Variants in MYH10 observed in about 807,000 individuals in gnomAD.
MYH10 encodes the protein myosin heavy chain 10.
Under a neutral mutation model 257.8 loss-of-function variants are expected in MYH10, and 55 were observed. The observed-to-expected ratio is 0.21, with a 90% CI of 0.17 to 0.27. MYH10 has a LOEUF of 0.27. Among genes scored for constraint, MYH10 ranks in the 10% least tolerant of loss-of-function variants. The pLI, the probability that MYH10 is intolerant of heterozygous loss-of-function variation, is 1.00. For missense variants in MYH10, 1,631 were observed against 2,500.6 expected (o/e 0.65, Z 7.42); for synonymous variants, 854 against 921.7 (o/e 0.93, Z 1.33).
At chr17:8,518,517 C>T in intron 21 of MYH10, 114 bp downstream of exon 21, 1 of 1,163,926 alleles carries the variant, frequency 8.6e-7, no homozygotes, top group Non-Finnish European at 1.2e-6. Context: ...TATAAAGCAA[C>T]TTCTGTAAGG....
intron 4 of MYH10, among the ~76,000 whole-genome samples, chr17:8,579,322 A>C (rs1414459667): frequency 6.6e-6 from 1 of 152,172 alleles, no homozygotes. Flanking sequence ...CCAAAACTTA[A>C]ATTTTTCGGT....
At chr17:8,525,668 G>GT (rs1355963640) in intron 17 of MYH10, among the ~76,000 whole-genome samples, 2 of 152,114 alleles carry the variant, frequency 1.3e-5, no homozygotes, top group East Asian at 3.8e-4. Context: ...TGTGTGTGTG[G>GT]TTTTTTAAAA....
chr17:8,548,678 C>T lies in MYH10; in HGVS notation c.1029G>A (p.Met343Ile), dbSNP rs2082522769. ...KDNFQETMEA[M>I]HIMGFSHEEI... is the part of the protein sequence containing the mutation. ...CTTCATGGGAGAAGCCCATTATGTG[C>T]ATTGCTTCCATGGTCTCCTGGAAAT... is the stretch of plus-strand genomic sequence containing the variant. Residue 343 changes from methionine (M) to isoleucine (I), a missense_variant, in exon 10 of 43, where the codon ATG becomes ATA. Around this residue, in one of 11 missense-constraint regions of MYH10, gnomAD observed 360 missense variants for 581.9 expected, o/e 0.62. Coordinates refer to ENST00000360416, the MANE Select transcript of MYH10 (RefSeq NM_001256012.3). 2 of 1,613,982 alleles carry T rather than the reference C, an allele frequency of 1.2e-6. No individual in the cohort carries two copies. The highest frequency in any genetic ancestry group is 1.7e-5 in the Admixed American group (1 of 60,004).
intron 2 of MYH10, among the ~76,000 whole-genome samples, chr17:8,606,503 G>A (rs956156516): frequency 6.6e-6 from 1 of 152,172 alleles, no homozygotes. Context: ...GGAACACTAA[G>A]GGGGATTCTA....
intron 40 of MYH10, 45 bp from the exon 41 acceptor site, chr17:8,478,491 T>C: frequency 6.4e-7 from 1 of 1,571,316 alleles, no homozygotes; most frequent in Non-Finnish European, 8.8e-7. Flanking sequence ...GAAATGGTAT[T>C]TTGTGTGGGA....
chr17:8,579,609 G>A (rs1458389652), intron 4 of MYH10, among the ~76,000 whole-genome samples: 1 of 152,124 alleles, frequency 6.6e-6, no homozygotes, highest in Non-Finnish European at 1.5e-5. Context: ...CACCCCTCAT[G>A]TTATCGTAAC....
chr17:8,545,548 C>A lies in MYH10; in HGVS notation c.1331G>T (p.Arg444Leu). The change falls in exon 13 of 43, where the codon CGC becomes CTC. Residue 444 changes from arginine (R) to leucine (L), a missense_variant. Arg to Leu is a moderately radical substitution (Grantham distance 102, BLOSUM62 -2). Around this residue, in one of 11 missense-constraint regions of MYH10, gnomAD observed 360 missense variants for 581.9 expected, o/e 0.62. Coordinates refer to ENST00000360416, the MANE Select transcript of MYH10 (RefSeq NM_001256012.3). This position sits in a 1 kb window ranked among gnomAD's most constrained non-coding sequence, Gnocchi z 4.7. ...LAKATYERLF[R>L]WLVHRINKAL... ...TTTATTGATGCGATGAACGAGCCAG[C>A]GAAAGAGCCGCTCATAGGTAGCTTT... is the stretch of plus-strand genomic sequence containing the variant. 1 of 1,614,072 alleles carries A rather than the reference C, an allele frequency of 6.2e-7. No homozygotes were observed. The highest frequency in any genetic ancestry group is 1.1e-5 in the South Asian group (1 of 91,062).
intron 17 of MYH10, among the ~76,000 whole-genome samples, chr17:8,526,596 C>A (rs747743640): frequency 6.6e-6 from 1 of 150,552 alleles, no homozygotes; most frequent in Non-Finnish European, 1.5e-5. Context: ...TAGATGAGTT[C>A]CAGACTGAAA....
At chr17:8,476,040 C>T in intron 42 of MYH10, 92 bp from the exon 43 acceptor site, 2 of 1,377,962 alleles carry the variant, frequency 1.5e-6, no homozygotes, top group Non-Finnish European at 9.8e-7. Flanking sequence ...CGGAACCTTC[C>T]CCTTGCACCC....
intron 28 of MYH10, 109 bp from the exon 29 acceptor site, chr17:8,501,079 T>A: frequency 2.6e-6 from 3 of 1,158,946 alleles, no homozygotes; most frequent in Non-Finnish European, 2.4e-6. Flanking sequence ...TAAATTCCCT[T>A]AATAAATACT....
intron 11 of MYH10, among the ~76,000 whole-genome samples, chr17:8,547,350 T>A (rs1310115222): frequency 2.0e-5 from 3 of 152,054 alleles, no homozygotes; most frequent in African/African-American, 7.2e-5. Context: ...GGAAAAGCCA[T>A]ACGGAGGATG....
At chr17:8,567,584 G>C (rs1256151785) in intron 7 of MYH10, among the ~76,000 whole-genome samples, 3 of 152,062 alleles carry the variant, frequency 2.0e-5, no homozygotes, top group Admixed American at 6.6e-5. Context: ...ATTAAAAAAG[G>C]GTCATTAGGG....
chr17:8,560,891 G>A, intron 7 of MYH10: 1 of 518,756 alleles, frequency 1.9e-6, no homozygotes, highest in Non-Finnish European at 3.7e-6. Flanking sequence ...TATCATGGAA[G>A]CCATGGAGTG....
At chr17:8,521,852 G>A (rs2081665119) in intron 17 of MYH10, among the ~76,000 whole-genome samples, 1 of 152,322 alleles carries the variant, frequency 6.6e-6, no homozygotes, top group East Asian at 1.9e-4. Flanking sequence ...TTAGCAATGT[G>A]TAAGCTTCAG....
intron 40 of MYH10, among the ~76,000 whole-genome samples, chr17:8,478,944 C>A (rs1256061614): frequency 1.3e-5 from 2 of 152,204 alleles, no homozygotes; most frequent in Non-Finnish European, 2.9e-5. Context: ...GTTGGCCAGG[C>A]TGGTCTCGAA....
At chr17:8,577,618 G>A (rs1230650892) in intron 4 of MYH10, among the ~76,000 whole-genome samples, 1 of 152,136 alleles carries the variant, frequency 6.6e-6, no homozygotes, top group African/African-American at 2.4e-5. Flanking sequence ...TGCAACGTCT[G>A]TCTCCCGGCT....
intron 4 of MYH10, among the ~76,000 whole-genome samples, chr17:8,582,041 A>C (rs1278491147): frequency 2.0e-5 from 3 of 152,234 alleles, no homozygotes; most frequent in African/African-American, 7.2e-5. Context: ...CTCTCAATAA[A>C]TGGTAGTGGT....
rs1011881155 is a variant in MYH10 at position 8,502,479 on chromosome 17, G to A, written c.3600-1509C>T. ...CAGCACGTTGTCTTTTGGGAAAATA[G>A]TTGTGTGTGTGTGTGTGTGTGTGTG... is the stretch of plus-strand genomic sequence containing the variant. On this transcript the variant is annotated intron_variant, in intron 28 of 42. Transcript: ENST00000360416. Among the ~76,000 whole-genome samples, 26 of 23,160 alleles carry A rather than the reference G, an allele frequency of 1.1e-3. No individual in the cohort carries two copies. In the East Asian group the frequency reaches 0.041, roughly 37 times the overall value. The allele number at this position is 23,160 out of a possible 152,430, so 15.2% of individuals were successfully genotyped here. A position where few individuals can be genotyped will look rare whatever the true frequency, so the allele number is the denominator to read the frequency against.
At chr17:8,565,292 G>A (rs1286214999) in intron 7 of MYH10, among the ~76,000 whole-genome samples, 2 of 152,088 alleles carry the variant, frequency 1.3e-5, no homozygotes, top group African/African-American at 4.8e-5. Flanking sequence ...ACACAGAATT[G>A]AATTTAAAAA....
Sources: allele counts gnomAD v4.1 joint callset (sites outside exome capture counted in the v4.1 genomes callset), GRCh38; gene constraint gnomAD v4.1.1; regional missense constraint gnomAD v4.1.1; non-coding constraint Gnocchi (gnomAD v3.1); transcripts MANE v1.5; gene names NCBI Gene and HGNC (gene_info 2026-07-23, HGNC 2026-07-21).